Variants in LRRIQ1 observed in about 807,000 individuals in gnomAD.
The protein encoded by LRRIQ1 is leucine rich repeats and IQ motif containing 1, also known as leucine-rich repeat- and IQ domain-containing protein 1.
LRRIQ1 carries 210 observed loss-of-function variants against 211.9 expected under a neutral mutation model. That is an observed-to-expected ratio of 0.99 (90% CI 0.89 to 1.11). The LOEUF (loss-of-function observed/expected upper bound fraction) is 1.11. Among genes scored for constraint, LRRIQ1 ranks in the 50% most tolerant of loss-of-function variants. LRRIQ1 has a pLI of 0.00. For missense variants in LRRIQ1, 2,136 were observed against 1,939.5 expected, an observed-to-expected ratio of 1.10 and a Z score of -1.90; for synonymous variants, 699 against 650.1, an observed-to-expected ratio of 1.08 and a Z score of -1.14.
chr12:85,226,585 G>C (rs1353243311), intron 24 of LRRIQ1, among the ~76,000 whole-genome samples: 1 of 145,208 alleles, frequency 6.9e-6, no homozygotes, highest in Non-Finnish European at 1.5e-5. Context: ...CAACGTGCAG[G>C]TTTGTTACAT....
intron 11 of LRRIQ1, among the ~76,000 whole-genome samples, chr12:85,074,002 C>A (rs889202409): frequency 6.6e-6 from 1 of 151,962 alleles, no homozygotes; most frequent in African/African-American, 2.4e-5. Context: ...GGAAGCAATA[C>A]CACAATATTT....
intron 24 of LRRIQ1, among the ~76,000 whole-genome samples, chr12:85,212,822 A>C (rs1056434485): frequency 1.3e-5 from 2 of 150,388 alleles, no homozygotes; most frequent in Admixed American, 1.3e-4. Flanking sequence ...AAAGAGAGAG[A>C]GAGAGAGGGT....
chr12:85,138,804 C>T (rs1414792919), intron 19 of LRRIQ1, among the ~76,000 whole-genome samples: 2 of 151,486 alleles, frequency 1.3e-5, no homozygotes, highest in African/African-American at 4.8e-5. Flanking sequence ...ACAAATTTCT[C>T]TTTATTTTCT....
intron 19 of LRRIQ1, among the ~76,000 whole-genome samples, chr12:85,143,498 ATCTT>A (rs1889680615): frequency 6.6e-6 from 1 of 151,414 alleles, no homozygotes; most frequent in South Asian, 2.1e-4. Flanking sequence ...TTTGTTATCT[ATCTT>A]TGCTTTGCTT....
intron 24 of LRRIQ1, among the ~76,000 whole-genome samples, chr12:85,178,942 T>C (rs1289849224): frequency 1.3e-5 from 2 of 149,246 alleles, no homozygotes; most frequent in Non-Finnish European, 3.0e-5. Flanking sequence ...CTGAGTCCAG[T>C]TGAGAAACCT....
At chr12:85,037,416 T>C (rs575291959) in intron 1 of LRRIQ1, among the ~76,000 whole-genome samples, 3 of 152,316 alleles carry the variant, frequency 2.0e-5, no homozygotes, top group Non-Finnish European at 4.4e-5. Flanking sequence ...TAAAGCTTTT[T>C]AAATGCACTT....
chr12:85,045,836 G>A (rs1879476593), intron 4 of LRRIQ1, among the ~76,000 whole-genome samples, 184 bp from the exon 5 acceptor site: 1 of 151,946 alleles, frequency 6.6e-6, no homozygotes, highest in African/African-American at 2.4e-5. Context: ...GCTTGCATGG[G>A]AAAATTTTTT....
intron 11 of LRRIQ1, among the ~76,000 whole-genome samples, chr12:85,091,759 T>A (rs943069736): frequency 1.3e-5 from 2 of 152,196 alleles, no homozygotes; most frequent in African/African-American, 4.8e-5. Context: ...AGGGAGCCCT[T>A]TCCACATTGC....
chr12:85,044,795 G>A lies in LRRIQ1; in HGVS notation c.322G>A (p.Glu108Lys), dbSNP rs769363731. 8.1e-6 allele frequency: 12 copies of A among 1,482,668 alleles called. No individual in the cohort carries two copies. The highest frequency in any genetic ancestry group is 1.1e-5 in the Non-Finnish European group (12 of 1,067,480). The allele number at this position is 1,482,668 out of a possible 1,614,324, so 91.8% of individuals were successfully genotyped here. A position where few individuals can be genotyped will look rare whatever the true frequency, so the allele number is the denominator to read the frequency against. Residue 108 changes from glutamate to lysine, a missense_variant, in exon 4 of 27, where the codon GAG becomes AAG. By Grantham distance (56) the Glu-to-Lys change is moderately conservative. Transcript: ENST00000393217. ...GLSTEYEESS[E>K]QLIKILSEIE... The stretch of plus-strand genomic sequence containing the variant: ...ATCAACTGAATATGAAGAAAGTTCA[G>A]AGCAATTAATTAAGGTATATATTCA...
downstream of LRRIQ1, among the ~76,000 whole-genome samples, chr12:85,264,628 CA>C (rs1210578656): frequency 1.3e-5 from 2 of 151,986 alleles, no homozygotes; most frequent in Non-Finnish European, 2.9e-5. Context: ...TTGGATAAAA[CA>C]TGAAAGAAAT....
intron 19 of LRRIQ1, among the ~76,000 whole-genome samples, chr12:85,150,549 T>C (rs1890172282): frequency 1.3e-5 from 2 of 151,758 alleles, no homozygotes; most frequent in Admixed American, 6.6e-5. Flanking sequence ...GCAATCAACA[T>C]AAATGGCTTA....
At chr12:85,132,856 T>A (rs1888867896) in intron 18 of LRRIQ1, among the ~76,000 whole-genome samples, 1 of 152,048 alleles carries the variant, frequency 6.6e-6, no homozygotes, top group Non-Finnish European at 1.5e-5. Flanking sequence ...ATAGTGTTAT[T>A]TATCTCTGTG....
intron 24 of LRRIQ1, among the ~76,000 whole-genome samples, chr12:85,161,086 AT>A (rs1179380704): frequency 6.6e-6 from 1 of 152,096 alleles, no homozygotes; most frequent in Non-Finnish European, 1.5e-5. Flanking sequence ...TTTACTGCCA[AT>A]TTACACAAAT....
intron 26 of LRRIQ1, among the ~76,000 whole-genome samples, chr12:85,239,470 A>G (rs557720602): frequency 6.6e-6 from 1 of 151,958 alleles, no homozygotes; most frequent in Non-Finnish European, 1.5e-5. Flanking sequence ...TGGAAAGTAT[A>G]GGGAGTCCAG....
chr12:85,068,447 A>G (rs115075672), intron 10 of LRRIQ1, among the ~76,000 whole-genome samples: 395 of 152,060 alleles, frequency 2.6e-3, no homozygotes, highest in African/African-American at 9.0e-3. Context: ...TAGAAATTCC[A>G]TATAACCATT....
In LRRIQ1 at chr12:85,153,055, C is replaced by A. The variant is rs371713800; in HGVS notation, c.4451C>A (p.Ser1484Ter). The A allele has an allele frequency of 7.6e-6, 12 of 1,579,218 alleles. No homozygotes were observed. The highest frequency in any genetic ancestry group is 1.0e-5 in the Non-Finnish European group (12 of 1,156,172). The stretch of plus-strand genomic sequence containing the variant: ...GGAAACTTAAAATGGGATGATACTT[C>A]ATTTAATTTACCAAGTAATCCAGCT... ...IPGNLKWDDTSFNLPSNPAQA... is the reference protein window; with the variant it reads ...IPGNLKWDDT The change falls in exon 21 of 27, where the codon TCA (serine) becomes TAA (stop). Residue 1484 changes from serine (S) to a stop codon, truncating the protein, a stop_gained. Transcript: ENST00000393217. LOFTEE classifies it high-confidence loss of function.
At chr12:85,082,654 G>T (rs1399846466) in intron 11 of LRRIQ1, among the ~76,000 whole-genome samples, 2 of 152,022 alleles carry the variant, frequency 1.3e-5, no homozygotes, top group African/African-American at 4.8e-5. Flanking sequence ...ACTTGAAATT[G>T]CTCTTAATCG....
At chr12:85,222,318 C>T (rs755649523) in intron 24 of LRRIQ1, among the ~76,000 whole-genome samples, 6 of 151,996 alleles carry the variant, frequency 3.9e-5, no homozygotes, top group Admixed American at 6.6e-5. Flanking sequence ...AGATAGAACT[C>T]CAGAGAAGAA....
intron 19 of LRRIQ1, among the ~76,000 whole-genome samples, chr12:85,143,347 T>C (rs1440234457): frequency 6.6e-6 from 1 of 151,716 alleles, no homozygotes; most frequent in Non-Finnish European, 1.5e-5. Context: ...TTATATATTT[T>C]GGATATTAAC....
Sources: allele counts gnomAD v4.1 joint callset (sites outside exome capture counted in the v4.1 genomes callset), GRCh38; gene constraint gnomAD v4.1.1; transcripts MANE v1.5; gene names NCBI Gene and HGNC (gene_info 2026-07-23, HGNC 2026-07-21).